The following PDGFC variants were observed in gnomAD, a reference collection of about 807,000 sequenced individuals.
The protein encoded by PDGFC is platelet-derived growth factor C.
PDGFC carries 12 observed loss-of-function variants against 35.5 expected under a neutral mutation model. The observed-to-expected ratio is 0.34, with a 90% CI of 0.22 to 0.55. The LOEUF (loss-of-function observed/expected upper bound fraction) is 0.55, where lower values mean the gene tolerates loss of function less well. PDGFC is among the 20% of genes least tolerant of loss of function. The pLI is 0.91. For synonymous variants in PDGFC, 159 were observed against 148.8 expected, an observed-to-expected ratio of 1.07 and a Z score of -0.50; for missense variants, 322 against 412.4, an observed-to-expected ratio of 0.78 and a Z score of 1.90.
chr4:156,948,524 C>T (rs552935451), intron 1 of PDGFC, among the ~76,000 whole-genome samples: 4 of 151,984 alleles, frequency 2.6e-5, no homozygotes, highest in South Asian at 4.1e-4. Context: ...AGGTGCTTTC[C>T]GTTACAATAG....
At chr4:156,788,329 C>T (rs76115953) in intron 3 of PDGFC, among the ~76,000 whole-genome samples, 9,893 of 152,168 alleles carry the variant, frequency 0.065, 441 homozygotes, top group Middle Eastern at 0.12. Context: ...CCAAGATCAA[C>T]GGCAACTTTT....
chr4:156,910,861 A>G (rs908041116), intron 1 of PDGFC, among the ~76,000 whole-genome samples: 2 of 152,052 alleles, frequency 1.3e-5, no homozygotes, highest in Admixed American at 6.6e-5. Context: ...ATGTCTGTTC[A>G]TGTCTTTTAT....
intron 1 of PDGFC, among the ~76,000 whole-genome samples, chr4:156,892,310 T>TA (rs754327690): frequency 2.0e-5 from 3 of 152,194 alleles, no homozygotes; most frequent in Non-Finnish European, 2.9e-5. Context: ...ACAAAACTGA[T>TA]ACATGCTTCT....
At chr4:156,898,205 C>T (rs1304521661) in intron 1 of PDGFC, among the ~76,000 whole-genome samples, 1 of 152,112 alleles carries the variant, frequency 6.6e-6, no homozygotes, top group African/African-American at 2.4e-5. Flanking sequence ...AGATGGTCAT[C>T]AATGAACTGA....
At chr4:156,887,193 T>C (rs1164204453) in intron 1 of PDGFC, among the ~76,000 whole-genome samples, 1 of 152,206 alleles carries the variant, frequency 6.6e-6, no homozygotes, top group Non-Finnish European at 1.5e-5. Flanking sequence ...TGTTATATCA[T>C]AGCATCACAG....
chr4:156,801,409 A>T (rs1731607643), intron 3 of PDGFC, among the ~76,000 whole-genome samples: 1 of 152,192 alleles, frequency 6.6e-6, no homozygotes, highest in Admixed American at 6.5e-5. Flanking sequence ...AATCAGCTGT[A>T]TCTGGGCACT....
intron 3 of PDGFC, among the ~76,000 whole-genome samples, chr4:156,780,346 T>C (rs1462140950): frequency 6.6e-6 from 1 of 152,032 alleles, no homozygotes; most frequent in East Asian, 1.9e-4. Flanking sequence ...CTAAGAACTA[T>C]TGGAAGAAAA....
intron 2 of PDGFC, among the ~76,000 whole-genome samples, chr4:156,835,721 G>A (rs1447650605): frequency 6.6e-5 from 10 of 152,188 alleles, no homozygotes; most frequent in Non-Finnish European, 1.5e-4. Context: ...CTAGTAGTAA[G>A]TGATAGAACT....
chr4:156,958,165 A>T (rs1732254665), intron 1 of PDGFC, among the ~76,000 whole-genome samples: 2 of 151,930 alleles, frequency 1.3e-5, no homozygotes. Flanking sequence ...GAAGGCAGAG[A>T]CTAAGCCTAA....
intron 1 of PDGFC, among the ~76,000 whole-genome samples, chr4:156,880,001 G>A (rs1018036270): frequency 1.3e-5 from 2 of 152,182 alleles, no homozygotes; most frequent in Non-Finnish European, 2.9e-5. Flanking sequence ...CTGGAAGCCA[G>A]CAGACGTTGG....
intron 1 of PDGFC, among the ~76,000 whole-genome samples, chr4:156,894,774 A>G (rs1730590984): frequency 1.3e-5 from 2 of 152,166 alleles, no homozygotes; most frequent in African/African-American, 2.4e-5. Context: ...GGTAACAACA[A>G]AATGAACAAA....
At chr4:156,830,532 G>GT (rs1318123766) in intron 2 of PDGFC, among the ~76,000 whole-genome samples, 1 of 152,052 alleles carries the variant, frequency 6.6e-6, no homozygotes, top group Non-Finnish European at 1.5e-5. Flanking sequence ...GTCACTTGTG[G>GT]ACCTCAACCT....
intron 3 of PDGFC, among the ~76,000 whole-genome samples, chr4:156,780,116 T>G (rs1011226896): frequency 1.3e-4 from 20 of 151,586 alleles, no homozygotes; most frequent in Admixed American, 2.0e-4. Context: ...GGTTTTTTTT[T>G]TTTTTTTTTT....
chr4:156,884,661 C>T (rs1481519565), intron 1 of PDGFC, among the ~76,000 whole-genome samples: 2 of 152,168 alleles, frequency 1.3e-5, no homozygotes, highest in Non-Finnish European at 2.9e-5. Flanking sequence ...ACACATTTTA[C>T]TGGTATTTGT....
intron 1 of PDGFC, among the ~76,000 whole-genome samples, chr4:156,872,441 G>A (rs980814550): frequency 1.3e-5 from 2 of 152,134 alleles, no homozygotes; most frequent in Non-Finnish European, 2.9e-5. Context: ...ACACACCATT[G>A]ACTCAAGGCT....
In PDGFC at chr4:156,762,745, T is replaced by C. The variant is rs887694276; in HGVS notation, c.*345A>G. The C allele has an allele frequency of 8.1e-5, 14 of 173,236 alleles. No homozygotes were observed. Among genetic ancestry groups the C allele is most frequent in the Non-Finnish European group, 1.6e-4 (13 of 81,720 alleles). 10.7% of individuals were successfully genotyped at this position (173,236 alleles called of 1,614,324 possible). On this transcript the variant is annotated 3_prime_UTR_variant, in exon 6 of 6. Coordinates refer to ENST00000502773, the MANE Select transcript of PDGFC (RefSeq NM_016205.3). ...GCACAGTTTTTTTCCTGTACTGACA[T>C]TACCCTAAGCCGTATCGAAAGAACT... is the stretch of plus-strand genomic sequence containing the variant.
chr4:156,813,764 G>C (rs1053524510), intron 2 of PDGFC, among the ~76,000 whole-genome samples: 4 of 152,180 alleles, frequency 2.6e-5, no homozygotes, highest in Non-Finnish European at 4.4e-5. Context: ...CAATGGGCTC[G>C]ATGTCTCTTT....
intron 1 of PDGFC, among the ~76,000 whole-genome samples, chr4:156,907,485 G>A (rs1392456229): frequency 6.6e-6 from 1 of 152,190 alleles, no homozygotes; most frequent in Non-Finnish European, 1.5e-5. Flanking sequence ...ATGAGATAAA[G>A]ATTGTTTCAC....
At chr4:156,949,813 C>T (rs557164803) in intron 1 of PDGFC, among the ~76,000 whole-genome samples, 7 of 152,056 alleles carry the variant, frequency 4.6e-5, no homozygotes, top group East Asian at 3.9e-4. Flanking sequence ...CCTTCCCCTA[C>T]GTCCCCTTGA....
Sources: gnomAD v4.1 joint callset for allele counts (sites outside exome capture counted in the v4.1 genomes callset) on GRCh38, gnomAD v4.1.1 for gene constraint, MANE v1.5 for transcripts, NCBI Gene and HGNC (gene_info 2026-07-23, HGNC 2026-07-21) for gene names.